IQSEC1: variants seen among roughly 807,000 people sequenced by gnomAD.
IQSEC1 encodes IQ motif and Sec7 domain ArfGEF 1.
IQSEC1 carries 31 observed loss-of-function variants against 91.0 expected under a neutral mutation model. That is an observed-to-expected ratio of 0.34 (90% CI 0.26 to 0.46). The LOEUF (loss-of-function observed/expected upper bound fraction) is 0.46. IQSEC1 is among the 20% of genes least tolerant of loss of function. The pLI, the probability that IQSEC1 is intolerant of heterozygous loss-of-function variation, is 1.00. For synonymous variants in IQSEC1, 699 were observed against 662.6 expected (o/e 1.05, Z -0.84); for missense variants, 1,388 against 1,575.6 (o/e 0.88, Z 2.02).
intron 2 of IQSEC1, among the ~76,000 whole-genome samples, chr3:12,938,679 C>T (rs1331824635): frequency 6.6e-6 from 1 of 152,150 alleles, no homozygotes; most frequent in Non-Finnish European, 1.5e-5. Context: ...GGAAGCCTTT[C>T]TTCCCTCACT....
intron 1 of IQSEC1, among the ~76,000 whole-genome samples, chr3:12,942,603 T>TAA (rs113626375): frequency 4.2e-5 from 6 of 143,794 alleles, no homozygotes; most frequent in Admixed American, 1.4e-4. Flanking sequence ...ACTCCGTCTC[T>TAA]AAAAAAAAAA....
intron 1 of IQSEC1, among the ~76,000 whole-genome samples, chr3:12,954,497 G>C (rs970586328): frequency 2.0e-5 from 3 of 152,212 alleles, no homozygotes; most frequent in Admixed American, 6.5e-5. Flanking sequence ...AAACATGGGG[G>C]AGAGGGGTTC....
intron 1 of IQSEC1, among the ~76,000 whole-genome samples, chr3:13,227,355 G>A (rs1472233176): frequency 5.5e-5 from 6 of 109,536 alleles, no homozygotes; most frequent in East Asian, 3.3e-4. Flanking sequence ...CAGCCTGGGC[G>A]ACAAAGCGGG....
chr3:13,277,106 TA>T (rs4034193), intron 1 of IQSEC1, among the ~76,000 whole-genome samples: 143 of 35,978 alleles, frequency 4.0e-3, no homozygotes, highest in Middle Eastern at 0.026. Flanking sequence ...TGCTCCTCCT[TA>T]AAAAAAAAAA....
intron 2 of IQSEC1, among the ~76,000 whole-genome samples, chr3:13,098,552 C>T (rs6765937): frequency 0.37 from 55,873 of 151,758 alleles, 10,709 homozygotes; most frequent in South Asian, 0.56. Context: ...GAGAGGGCCT[C>T]ACTGAGAAGG....
At chr3:13,017,337 G>A (rs1703183691) in intron 1 of IQSEC1, among the ~76,000 whole-genome samples, 1 of 152,330 alleles carries the variant, frequency 6.6e-6, no homozygotes, top group South Asian at 2.1e-4. Context: ...ACTCACTGCT[G>A]TATCCCCAGG....
At chr3:13,111,153 C>T (rs1387534022) in intron 2 of IQSEC1, among the ~76,000 whole-genome samples, 1 of 152,246 alleles carries the variant, frequency 6.6e-6, no homozygotes, top group Non-Finnish European at 1.5e-5. Flanking sequence ...AGGTACCATA[C>T]AGCTGAGTCT....
chr3:13,027,747 G>C (rs1363296752), intron 1 of IQSEC1, among the ~76,000 whole-genome samples: 4 of 152,178 alleles, frequency 2.6e-5, no homozygotes, highest in Non-Finnish European at 5.9e-5. Flanking sequence ...GATGAGGCAA[G>C]GCAGAACGGG....
chr3:13,053,142 C>T, intron 1 of IQSEC1: 4 of 780,744 alleles, frequency 5.1e-6, no homozygotes, highest in Middle Eastern at 2.6e-4. Flanking sequence ...CGGACTCAAG[C>T]ACACACCACG....
intron 1 of IQSEC1, among the ~76,000 whole-genome samples, chr3:13,222,263 C>T (rs1694676319): frequency 6.6e-6 from 1 of 152,056 alleles, no homozygotes; most frequent in Non-Finnish European, 1.5e-5. Flanking sequence ...GGCTCATTCA[C>T]TAGCATCCTG....
intron 2 of IQSEC1, among the ~76,000 whole-genome samples, chr3:13,111,525 G>A (rs1004444922): frequency 1.3e-5 from 2 of 152,154 alleles, no homozygotes; most frequent in African/African-American, 4.8e-5. Context: ...CTGACCCCTG[G>A]GCTAAACTCC....
At chr3:12,959,837 T>TA (rs1700134662) in intron 1 of IQSEC1, among the ~76,000 whole-genome samples, 1 of 152,182 alleles carries the variant, frequency 6.6e-6, no homozygotes, top group Admixed American at 6.5e-5. Context: ...AACAAAAAGC[T>TA]AAAAATAACG....
At chr3:13,131,032 G>GA (rs765841794) in intron 2 of IQSEC1, among the ~76,000 whole-genome samples, 3 of 121,954 alleles carry the variant, frequency 2.5e-5, no homozygotes, top group South Asian at 2.8e-4. Context: ...GGGAAGGAAG[G>GA]AAGGAAAGGA....
At chr3:13,136,895 G>A (rs1290750416) in intron 2 of IQSEC1, among the ~76,000 whole-genome samples, 2 of 152,220 alleles carry the variant, frequency 1.3e-5, no homozygotes, top group Non-Finnish European at 2.9e-5. Flanking sequence ...CCAGCACTCT[G>A]GGAGGCCAAA....
intron 2 of IQSEC1, among the ~76,000 whole-genome samples, chr3:13,135,463 G>C (rs959989255): frequency 6.6e-6 from 1 of 152,254 alleles, no homozygotes; most frequent in African/African-American, 2.4e-5. Flanking sequence ...CAAAGGCCTG[G>C]GGTCAGGGGT....
chr3:12,936,242 A>C lies in IQSEC1; in HGVS notation c.774T>G (p.Asp258Glu), dbSNP rs1698186995. Residue 258 changes from aspartate (D) to glutamate (E), a missense_variant, in exon 3 of 14, where the codon GAT becomes GAG. Coordinates refer to ENST00000613206, the MANE Select transcript of IQSEC1 (RefSeq NM_001134382.3). ...GTTCGGTGTCCCGGGCCCGCGCCGCATCCAGGGCCGGTGCCTCCTCAGTGT... is the reference window on the plus strand; with the variant it reads ...GTTCGGTGTCCCGGGCCCGCGCCGCCTCCAGGGCCGGTGCCTCCTCAGTGT... The part of the protein sequence containing the change: ...SLHTEEAPAL[D>E]AARARDTEPQ... 6.2e-7 allele frequency: 1 copy of C among 1,613,212 alleles called. No homozygotes were observed. The highest frequency in any genetic ancestry group is 2.2e-5 in the East Asian group (1 of 44,864).
chr3:13,129,732 A>AT (rs1211978281), intron 2 of IQSEC1, among the ~76,000 whole-genome samples: 1 of 140,452 alleles, frequency 7.1e-6, no homozygotes, highest in Admixed American at 7.7e-5. Context: ...ATCTCAGCTC[A>AT]TTGCAAGCTC....
At chr3:13,221,585 C>T (rs1694661690) in intron 1 of IQSEC1, among the ~76,000 whole-genome samples, 1 of 152,204 alleles carries the variant, frequency 6.6e-6, no homozygotes, top group Non-Finnish European at 1.5e-5. Flanking sequence ...AAGGCAAACC[C>T]AGGGGCCTAA....
chr3:12,950,876 G>C (rs993094237), intron 1 of IQSEC1, among the ~76,000 whole-genome samples: 4 of 151,976 alleles, frequency 2.6e-5, no homozygotes, highest in Non-Finnish European at 4.4e-5. Context: ...TCGATCTCCT[G>C]ACCTCGTGAT....
Sources: gnomAD v4.1 joint callset for allele counts (sites outside exome capture counted in the v4.1 genomes callset) on GRCh38, gnomAD v4.1.1 for gene constraint, MANE v1.5 for transcripts, NCBI Gene and HGNC (gene_info 2026-07-23, HGNC 2026-07-21) for gene names.